GLIS3: variants seen among roughly 807,000 people sequenced by gnomAD.
GLIS3 encodes zinc finger protein GLIS3.
GLIS3 carries 53 observed loss-of-function variants against 78.6 expected under a neutral mutation model. The ratio of observed to expected loss-of-function variants is 0.67; its 90% CI spans 0.54 to 0.85. GLIS3 has a LOEUF of 0.85. Ranked by LOEUF, GLIS3 falls within the 40% of genes least tolerant of loss-of-function variation. The pLI, the probability that GLIS3 is intolerant of heterozygous loss-of-function variation, is 0.00. For missense variants in GLIS3, 1,703 were observed against 1,231.1 expected (o/e 1.38, Z -5.74); for synonymous variants, 684 against 509.9 (o/e 1.34, Z -4.60).
chr9:4,118,817 A>T lies in GLIS3; in HGVS notation c.661T>A (p.Ser221Thr), dbSNP rs750800823. The change falls in exon 4 of 11, where the codon TCA (serine) becomes ACA (threonine). Residue 221 changes from serine to threonine, a missense_variant. By Grantham distance (58) the Ser-to-Thr change is moderately conservative. Coordinates refer to ENST00000381971, the MANE Select transcript of GLIS3 (RefSeq NM_001042413.2). This position sits in a 1 kb window ranked among gnomAD's most constrained non-coding sequence, Gnocchi z 4.7. ...TGGGACCACTCCTGCTTCATGCTTG[A>T]GGCCGACTGACTTTCCGTCAGACTC... ...TLSLTESQSA[S>T]SMKQEWSQGY... 2 of 1,608,294 alleles carry T rather than the reference A, an allele frequency of 1.2e-6. No individual in the cohort carries two copies. Among genetic ancestry groups the T allele is most frequent in the South Asian group, 2.2e-5 (2 of 91,070 alleles).
the GLIS3 span, among the ~76,000 whole-genome samples, chr9:4,379,502 G>C: frequency 6.6e-6 from 1 of 152,300 alleles, no homozygotes; most frequent in East Asian, 1.9e-4. Context: ...AAACTATCTA[G>C]AGATGGGAGA....
At chr9:4,244,251 C>T (rs1164017126) in intron 2 of GLIS3, among the ~76,000 whole-genome samples, 5 of 152,184 alleles carry the variant, frequency 3.3e-5, no homozygotes, top group African/African-American at 7.2e-5. Flanking sequence ...CTGTGTGAAA[C>T]GTACATGGCA....
intron 6 of GLIS3, chr9:3,900,749 T>G (rs1263397818): frequency 6.6e-6 from 1 of 152,280 alleles, no homozygotes; most frequent in Non-Finnish European, 1.5e-5. Context: ...AATTGAACAT[T>G]ACAACTGATT....
intron 2 of GLIS3, among the ~76,000 whole-genome samples, chr9:4,152,991 A>G (rs1300494607): frequency 1.3e-5 from 2 of 152,154 alleles, no homozygotes; most frequent in Admixed American, 6.6e-5. Context: ...TTTGTGTTCC[A>G]TAGTTTTTTG....
At chr9:3,932,811 G>T (rs1303239342) in intron 5 of GLIS3, 1 of 439,934 alleles carries the variant, frequency 2.3e-6, no homozygotes, top group African/African-American at 2.0e-5. Context: ...GTTTCCCTGA[G>T]AATAATCTTT....
At chr9:4,267,225 T>C (rs1211559979) in intron 2 of GLIS3, among the ~76,000 whole-genome samples, 1 of 152,172 alleles carries the variant, frequency 6.6e-6, no homozygotes, top group African/African-American at 2.4e-5. Flanking sequence ...GGAGTGTTTT[T>C]ACTAGACTAT....
chr9:4,241,110 A>C (rs1823267053), intron 2 of GLIS3, among the ~76,000 whole-genome samples: 1 of 152,206 alleles, frequency 6.6e-6, no homozygotes. Context: ...TTATGACCTT[A>C]CCAGAAAAAC....
At chr9:4,219,026 C>G (rs1422489810) in intron 2 of GLIS3, among the ~76,000 whole-genome samples, 1 of 152,230 alleles carries the variant, frequency 6.6e-6, no homozygotes, top group Non-Finnish European at 1.5e-5. Context: ...CATTGCCTGG[C>G]ATATAAGTAA....
the GLIS3 span, among the ~76,000 whole-genome samples, chr9:4,474,748 G>A: frequency 4.1e-5 from 6 of 145,322 alleles, no homozygotes; most frequent in African/African-American, 1.5e-4. Context: ...CCAGGCTGGA[G>A]TGCAGTGGCA....
chr9:4,120,160 G>A (rs566293448), intron 3 of GLIS3, among the ~76,000 whole-genome samples: 3 of 152,288 alleles, frequency 2.0e-5, no homozygotes, highest in Admixed American at 1.3e-4. Context: ...CAAAGGAACT[G>A]AGGTAAAAGA....
At chr9:3,899,088 C>A (rs1375295566) in intron 6 of GLIS3, 9 of 538,492 alleles carry the variant, frequency 1.7e-5, no homozygotes, top group Non-Finnish European at 2.7e-5. Context: ...ATTTCCACTT[C>A]TGGCAACTCA....
chr9:4,011,342 G>C (rs1821990059), intron 4 of GLIS3, among the ~76,000 whole-genome samples: 1 of 152,210 alleles, frequency 6.6e-6, no homozygotes, highest in South Asian at 2.1e-4. Context: ...TCCTCAAGGA[G>C]TTTGTGGTAA....
chr9:3,843,302 A>G (rs1563767824), intron 9 of GLIS3, among the ~76,000 whole-genome samples: 1 of 152,190 alleles, frequency 6.6e-6, no homozygotes. Context: ...CAGTGATCCA[A>G]TGACTCAATT....
In GLIS3 at chr9:4,085,075, A is replaced by G. The variant is rs369630606; in HGVS notation, c.1710+32693T>C. Reference sequence around the variant, plus strand: ...TAAAATTATATACTCAACAGAAACAACAAAACAGCTTGCAAATGAAGGAAT... The same window carrying G: ...TAAAATTATATACTCAACAGAAACAGCAAAACAGCTTGCAAATGAAGGAAT... On this transcript the variant is annotated intron_variant, in intron 4 of 10. Coordinates refer to ENST00000381971, the MANE Select transcript of GLIS3 (RefSeq NM_001042413.2). Among the ~76,000 whole-genome samples, 30 of 152,218 alleles carry G rather than the reference A, an allele frequency of 2.0e-4. No individual in the cohort carries two copies. In the South Asian group the frequency reaches 6.0e-3, roughly 31 times the overall value.
intron 2 of GLIS3, among the ~76,000 whole-genome samples, chr9:4,141,221 G>C (rs748534258): frequency 3.9e-5 from 6 of 152,190 alleles, no homozygotes; most frequent in East Asian, 1.9e-4. Context: ...GACAGAAGGA[G>C]AGAGAGAGGT....
At chr9:4,096,493 T>A (rs908189000) in intron 4 of GLIS3, among the ~76,000 whole-genome samples, 1 of 152,116 alleles carries the variant, frequency 6.6e-6, no homozygotes, top group Admixed American at 6.5e-5. Context: ...TTTTTAAAGG[T>A]GGGGTTGGAG....
At chr9:4,183,461 A>T (rs1817505736) in intron 2 of GLIS3, among the ~76,000 whole-genome samples, 2 of 152,126 alleles carry the variant, frequency 1.3e-5, no homozygotes, top group African/African-American at 4.8e-5. Flanking sequence ...CATTAACTTA[A>T]TCTAGCTTAA....
chr9:4,335,607 C>T (rs557116250), intron 2 of GLIS3, among the ~76,000 whole-genome samples: 1 of 152,282 alleles, frequency 6.6e-6, no homozygotes, highest in South Asian at 2.1e-4. Flanking sequence ...CTAGCTTACA[C>T]CTGGCATCTC....
the GLIS3 span, among the ~76,000 whole-genome samples, chr9:4,406,752 T>C: frequency 2.0e-5 from 3 of 152,018 alleles, no homozygotes; most frequent in Non-Finnish European, 4.4e-5. Flanking sequence ...ACGTGAAAGA[T>C]CTCTTCAATA....
Sources: gnomAD v4.1 joint callset for allele counts (sites outside exome capture counted in the v4.1 genomes callset) on GRCh38, gnomAD v4.1.1 for gene constraint, Gnocchi (gnomAD v3.1) non-coding constraint, MANE v1.5 for transcripts, NCBI Gene and HGNC (gene_info 2026-07-23, HGNC 2026-07-21) for gene names.